The following SLC38A6 variants were observed in gnomAD, a reference collection of about 807,000 sequenced individuals.
The protein encoded by SLC38A6 is N system amino acid transporter NAT-1.
Under a neutral mutation model 65.0 loss-of-function variants are expected in SLC38A6, and 73 were observed. The observed-to-expected ratio is 1.12, with a 90% CI of 0.93 to 1.37. The LOEUF (loss-of-function observed/expected upper bound fraction) is 1.37, where lower values mean the gene tolerates loss of function less well. SLC38A6 is among the 40% of genes most tolerant of loss of function. The pLI is 0.00. For synonymous variants in SLC38A6, 183 were observed against 178.8 expected (o/e 1.02, Z -0.19); for missense variants, 561 against 531.1 (o/e 1.06, Z -0.55).
chr14:61,019,461 A>T, intron 4 of SLC38A6, 80 bp from the exon 5 acceptor site: 1 of 1,436,426 alleles, frequency 7.0e-7, no homozygotes, highest in Non-Finnish European at 9.7e-7. Context: ...TTTTAGTAAT[A>T]GTTACTGGAT....
intron 3 of SLC38A6, among the ~76,000 whole-genome samples, chr14:60,988,126 C>G (rs1050218364): frequency 1.3e-5 from 2 of 152,184 alleles, no homozygotes; most frequent in South Asian, 4.1e-4. Flanking sequence ...CTGTTTCTTA[C>G]ACTACGAGAA....
chr14:61,069,267 T>A (rs1342378631), intron 15 of SLC38A6, among the ~76,000 whole-genome samples: 1 of 152,096 alleles, frequency 6.6e-6, no homozygotes, highest in Non-Finnish European at 1.5e-5. Context: ...CTCCTTGGAA[T>A]CCTGCTTTCA....
rs562821619 is a variant in SLC38A6, at chr14:60,996,961, A to G, written c.310+12158A>G. On this transcript the variant is annotated intron_variant, in intron 3 of 15. Coordinates refer to ENST00000267488, the MANE Select transcript of SLC38A6 (RefSeq NM_153811.3). ...TATATACAAGGTCTCAAAAATTTTT[A>G]TTCACCCTTACTTAGTGAACAATAG... is the stretch of plus-strand genomic sequence containing the variant. Among the ~76,000 whole-genome samples, 5 of 152,328 alleles carry G rather than the reference A, an allele frequency of 3.3e-5. No individual in the cohort carries two copies. In the South Asian group the frequency reaches 6.2e-4, roughly 19 times the overall value.
chr14:61,035,041 C>G (rs1390727190), intron 6 of SLC38A6, among the ~76,000 whole-genome samples: 2 of 152,116 alleles, frequency 1.3e-5, no homozygotes, highest in African/African-American at 2.4e-5. Context: ...TGGTATCTGG[C>G]AGAGAATGAA....
intron 12 of SLC38A6, among the ~76,000 whole-genome samples, chr14:61,049,164 C>T (rs2042351456): frequency 1.3e-5 from 2 of 152,130 alleles, no homozygotes; most frequent in African/African-American, 4.8e-5. Context: ...TGCTTTAGTT[C>T]AGATCATAAT....
chr14:61,040,730 C>T (rs1415707956), intron 8 of SLC38A6, among the ~76,000 whole-genome samples: 1 of 152,160 alleles, frequency 6.6e-6, no homozygotes, highest in African/African-American at 2.4e-5. Context: ...GATCCTCCCA[C>T]CTTGGCCTCC....
At chr14:61,036,677 A>G (rs1366830162) in intron 6 of SLC38A6, among the ~76,000 whole-genome samples, 1 of 152,144 alleles carries the variant, frequency 6.6e-6, no homozygotes, top group Non-Finnish European at 1.5e-5. Context: ...CAAGTATATA[A>G]TTATTTGAAA....
rs147514484 is a variant in SLC38A6 at position 60,994,253 on chromosome 14, G to A, written c.310+9450G>A. 2.8e-4 allele frequency among the ~76,000 whole-genome samples: 42 copies of A among 152,292 alleles called. No homozygotes were observed. The East Asian group carries it at 7.9e-3, about 29-fold the overall frequency. ...ACAATGGGATATTATTCAGCACTAA[G>A]TAGAAATGAGGTGCCGGAGCCTTGG... On this transcript the variant is annotated intron_variant, in intron 3 of 15. Transcript: ENST00000267488.
intron 4 of SLC38A6, 83 bp from the exon 5 acceptor site, chr14:61,019,458 A>G: frequency 7.1e-7 from 1 of 1,401,406 alleles, no homozygotes. Context: ...CTTTTTTAGT[A>G]ATAGTTACTG....
chr14:60,990,901 T>C (rs1461150407), intron 3 of SLC38A6, among the ~76,000 whole-genome samples: 9 of 152,050 alleles, frequency 5.9e-5, no homozygotes, highest in Non-Finnish European at 1.3e-4. Context: ...CTAGGCTGTT[T>C]TCCAACACCA....
At chr14:61,067,027 T>A (rs546978765) in intron 15 of SLC38A6, among the ~76,000 whole-genome samples, 28 of 152,348 alleles carry the variant, frequency 1.8e-4, no homozygotes, top group African/African-American at 6.0e-4. Flanking sequence ...CTTTTATTTT[T>A]CTGACTGAAC....
At chr14:61,016,054 T>A in intron 4 of SLC38A6, 98 bp downstream of exon 4, 1 of 815,846 alleles carries the variant, frequency 1.2e-6, no homozygotes, top group Non-Finnish European at 1.9e-6. Context: ...AGGAAGACAT[T>A]AGAGGAATAA....
At chr14:61,061,148 C>T (rs927012592) in intron 15 of SLC38A6, among the ~76,000 whole-genome samples, 1 of 152,144 alleles carries the variant, frequency 6.6e-6, no homozygotes, top group East Asian at 1.9e-4. Context: ...GCTCCTCCCC[C>T]AAGTGTTGAA....
At chr14:61,013,081 A>G (rs1595073692) in intron 3 of SLC38A6, among the ~76,000 whole-genome samples, 1 of 152,184 alleles carries the variant, frequency 6.6e-6, no homozygotes, top group South Asian at 2.1e-4. Context: ...TATTGGGTGC[A>G]TATATATTTA....
chr14:61,054,537 T>C (rs2042640948), downstream of SLC38A6, among the ~76,000 whole-genome samples: 1 of 152,216 alleles, frequency 6.6e-6, no homozygotes, highest in Non-Finnish European at 1.5e-5. Flanking sequence ...GTTTGTGTCT[T>C]CTCTGATTTA....
In SLC38A6 at chr14:60,996,237, A is replaced by G. The variant is rs545586324; in HGVS notation, c.310+11434A>G. ...CAAGGAAAGAAACAGACTCAGAGGA[A>G]AAGAGGAAACAGACAATACAAGACC... is the stretch of plus-strand genomic sequence containing the variant. On this transcript the variant is annotated intron_variant, in intron 3 of 15. Coordinates refer to ENST00000267488, the MANE Select transcript of SLC38A6 (RefSeq NM_153811.3). Among the ~76,000 whole-genome samples, 35 of 152,346 alleles carry G rather than the reference A, an allele frequency of 2.3e-4. No homozygotes were observed. The South Asian group carries it at 7.3e-3, about 32-fold the overall frequency.
intron 3 of SLC38A6, among the ~76,000 whole-genome samples, chr14:61,008,912 A>G (rs969100837): frequency 1.3e-5 from 2 of 152,178 alleles, no homozygotes; most frequent in Non-Finnish European, 2.9e-5. Flanking sequence ...CATTTGGACA[A>G]TGTGGTATGC....
chr14:60,986,477 A>G (rs930378820), intron 3 of SLC38A6, among the ~76,000 whole-genome samples: 7 of 152,232 alleles, frequency 4.6e-5, no homozygotes, highest in Non-Finnish European at 1.0e-4. Context: ...TATAGCCACA[A>G]CTTCTAACAG....
chr14:61,031,597 C>T (rs1341207572), intron 6 of SLC38A6, among the ~76,000 whole-genome samples: 1 of 152,062 alleles, frequency 6.6e-6, no homozygotes, highest in Non-Finnish European at 1.5e-5. Context: ...GAGGTTTCCA[C>T]ATGCATTATC....
Sources: allele counts gnomAD v4.1 joint callset (sites outside exome capture counted in the v4.1 genomes callset), GRCh38; gene constraint gnomAD v4.1.1; transcripts MANE v1.5; gene names NCBI Gene and HGNC (gene_info 2026-07-23, HGNC 2026-07-21).